The following DLGAP2 variants were observed in gnomAD, a reference collection of about 807,000 sequenced individuals.
DLGAP2 encodes DLG associated protein 2, also known as disks large-associated protein 2.
In DLGAP2, 26 loss-of-function variants were observed where a neutral mutation model predicts 100.3. The observed-to-expected ratio is 0.26, with a 90% CI of 0.19 to 0.36. The LOEUF (loss-of-function observed/expected upper bound fraction) is 0.36, where lower values mean the gene tolerates loss of function less well. Ranked by LOEUF, DLGAP2 falls within the 10% of genes least tolerant of loss-of-function variation. The probability of loss-of-function intolerance (pLI) is 1.00; values close to 1 mark genes in which losing one functional copy is unlikely to be tolerated. For synonymous variants in DLGAP2, 886 were observed against 630.1 expected (o/e 1.41, Z -6.08); for missense variants, 1,858 against 1,453.2 (o/e 1.28, Z -4.53).
At chr8:1,528,014 G>T (rs1310801843) in intron 4 of DLGAP2, among the ~76,000 whole-genome samples, 2 of 151,998 alleles carry the variant, frequency 1.3e-5, no homozygotes, top group African/African-American at 4.8e-5. Context: ...AAAGAAAAAA[G>T]TCCTTACTGA....
intron 2 of DLGAP2, among the ~76,000 whole-genome samples, chr8:1,135,014 C>G (rs1244621051): frequency 6.6e-6 from 1 of 152,150 alleles, no homozygotes; most frequent in East Asian, 1.9e-4. Context: ...ATTTTTAGTG[C>G]TAAAGAGACT....
chr8:1,312,062 G>A (rs2117016828), intron 3 of DLGAP2, among the ~76,000 whole-genome samples: 1 of 152,304 alleles, frequency 6.6e-6, no homozygotes, highest in East Asian at 1.9e-4. Context: ...AACTGAATCT[G>A]ACATCTGTAG....
intron 10 of DLGAP2, among the ~76,000 whole-genome samples, chr8:1,672,675 C>T (rs913832944): frequency 1.4e-4 from 22 of 152,188 alleles, no homozygotes; most frequent in Non-Finnish European, 2.9e-5. Context: ...AGCTGCTCTT[C>T]CTCATGGCTG....
At chr8:1,368,314 G>C (rs978508061) in intron 3 of DLGAP2, among the ~76,000 whole-genome samples, 1 of 151,692 alleles carries the variant, frequency 6.6e-6, no homozygotes, top group Non-Finnish European at 1.5e-5. Flanking sequence ...CATGTGCATA[G>C]CTGTGTGTGT....
intron 2 of DLGAP2, among the ~76,000 whole-genome samples, chr8:923,360 G>C (rs1798752259): frequency 6.6e-6 from 1 of 152,236 alleles, no homozygotes; most frequent in African/African-American, 2.4e-5. Flanking sequence ...AATGCGTGGA[G>C]GAAGACTCTG....
At chr8:1,299,936 C>G (rs1029145522) in intron 3 of DLGAP2, 4 of 152,190 alleles carry the variant, frequency 2.6e-5, no homozygotes, top group African/African-American at 9.7e-5. Context: ...GTTCTGGAGG[C>G]TGATCAAGGC....
chr8:1,134,366 G>C (rs1796359522), intron 2 of DLGAP2, among the ~76,000 whole-genome samples: 1 of 152,122 alleles, frequency 6.6e-6, no homozygotes, highest in Non-Finnish European at 1.5e-5. Context: ...GGATTGCTTG[G>C]TGCAATGGTA....
At chr8:960,233 A>ATTTTTTTTTTTTTTT (rs1228650565) in intron 2 of DLGAP2, among the ~76,000 whole-genome samples, 1 of 8,302 alleles carries the variant, frequency 1.2e-4, no homozygotes, top group African/African-American at 4.1e-4. Flanking sequence ...TTCCTGAAGT[A>ATTTTTTTTTTTTTTT]TATCTTTTTT....
At chr8:1,495,827 A>G (rs192871788) in intron 3 of DLGAP2, among the ~76,000 whole-genome samples, 1 of 152,216 alleles carries the variant, frequency 6.6e-6, no homozygotes, top group Admixed American at 6.5e-5. Flanking sequence ...AATCACCCGG[A>G]CTCAGCGCAT....
At chr8:1,514,849 C>G (rs1047842703) in intron 4 of DLGAP2, among the ~76,000 whole-genome samples, 2 of 152,178 alleles carry the variant, frequency 1.3e-5, no homozygotes, top group African/African-American at 2.4e-5. Flanking sequence ...TGATGCCACC[C>G]AGAGTCTGAC....
At chr8:767,280 G>C (rs1380976409) in intron 1 of DLGAP2, among the ~76,000 whole-genome samples, 2 of 151,888 alleles carry the variant, frequency 1.3e-5, no homozygotes, top group Non-Finnish European at 2.9e-5. Context: ...AGTTGTGGGA[G>C]GAAGTCAAGC....
intron 12 of DLGAP2, among the ~76,000 whole-genome samples, chr8:1,683,858 G>GTATATA (rs1563061149): frequency 3.7e-5 from 1 of 26,822 alleles, no homozygotes; most frequent in South Asian, 1.9e-3. Flanking sequence ...ATATATATAT[G>GTATATA]TGTGTGTGTG....
At chr8:1,314,356 C>G (rs1489496422) in intron 3 of DLGAP2, among the ~76,000 whole-genome samples, 3 of 152,188 alleles carry the variant, frequency 2.0e-5, no homozygotes, top group African/African-American at 7.2e-5. Flanking sequence ...TTTGCCGTCG[C>G]ACTGTTCACC....
intron 1 of DLGAP2, among the ~76,000 whole-genome samples, chr8:820,232 AAAG>A (rs1212936570): frequency 6.6e-6 from 1 of 152,256 alleles, no homozygotes; most frequent in Non-Finnish European, 1.5e-5. Flanking sequence ...TGTAATCATT[AAAG>A]ATAGTTACTG....
At chr8:1,070,882 T>C (rs913306960) in intron 2 of DLGAP2, among the ~76,000 whole-genome samples, 2 of 152,280 alleles carry the variant, frequency 1.3e-5, no homozygotes, top group African/African-American at 4.8e-5. Flanking sequence ...GACCCCACAA[T>C]TGCCGACAAG....
chr8:1,640,954 C>T (rs1344633998), intron 8 of DLGAP2, among the ~76,000 whole-genome samples: 1 of 152,176 alleles, frequency 6.6e-6, no homozygotes, highest in African/African-American at 2.4e-5. Flanking sequence ...AGCCGGTTGG[C>T]CCTGGGGACC....
chr8:1,458,673 T>C (rs1177403560), intron 3 of DLGAP2, among the ~76,000 whole-genome samples: 3 of 152,188 alleles, frequency 2.0e-5, no homozygotes, highest in African/African-American at 7.2e-5. Flanking sequence ...GGCTTCAGGT[T>C]GCAGGACAGG....
At chr8:1,042,523 A>G (rs1345583960) in intron 2 of DLGAP2, among the ~76,000 whole-genome samples, 3 of 152,172 alleles carry the variant, frequency 2.0e-5, no homozygotes, top group Non-Finnish European at 4.4e-5. Flanking sequence ...TGGTGGTGAG[A>G]AGAGCCGTGA....
intron 3 of DLGAP2, among the ~76,000 whole-genome samples, chr8:1,318,987 A>G (rs1215957653): frequency 6.6e-6 from 1 of 152,078 alleles, no homozygotes; most frequent in Non-Finnish European, 1.5e-5. Flanking sequence ...TCTCTGTTTT[A>G]TGGGGCTTTC....
Sources: gnomAD v4.1 joint callset for allele counts (sites outside exome capture counted in the v4.1 genomes callset) on GRCh38, gnomAD v4.1.1 for gene constraint, MANE v1.5 for transcripts, NCBI Gene and HGNC (gene_info 2026-07-23, HGNC 2026-07-21) for gene names.